SHROOM4: variants seen among roughly 807,000 people sequenced by gnomAD.
SHROOM4 encodes the protein shroom family member 4.
In SHROOM4, 17 loss-of-function variants were observed where a neutral mutation model predicts 80.3. The observed-to-expected ratio is 0.21, with a 90% CI of 0.14 to 0.32. The LOEUF is 0.32. SHROOM4 is among the 10% of genes least tolerant of loss of function. The pLI is 1.00. For missense variants in SHROOM4, 993 were observed against 1,140.3 expected (o/e 0.87, Z 1.86); for synonymous variants, 400 against 437.5 (o/e 0.91, Z 1.07).
intron 6 of SHROOM4, among the ~76,000 whole-genome samples, chrX:50,604,749 T>G (rs1362742990): frequency 3.6e-5 from 4 of 111,947 alleles, no homozygotes; most frequent in Non-Finnish European, 7.5e-5. Flanking sequence ...ATCCTTTCCT[T>G]ATCACCTCCA....
intron 2 of SHROOM4, among the ~76,000 whole-genome samples, chrX:50,649,087 A>G (rs1557258325): frequency 8.9e-6 from 1 of 112,249 alleles, no homozygotes; most frequent in Non-Finnish European, 1.9e-5. Flanking sequence ...CAGAGAATCA[A>G]CAGCGTTGGA....
chrX:50,770,257 G>A (rs782312022), intron 1 of SHROOM4, among the ~76,000 whole-genome samples: 1 of 111,505 alleles, frequency 9.0e-6, no homozygotes, highest in South Asian at 3.8e-4. Flanking sequence ...AATAGCCTCG[G>A]GGAGCCAGCA....
chrX:50,585,707 C>T (rs1157815649), downstream of SHROOM4, among the ~76,000 whole-genome samples: 3 of 111,292 alleles, frequency 2.7e-5, no homozygotes, highest in Non-Finnish European at 5.7e-5. Flanking sequence ...GATAAAAGAG[C>T]ACGAGGTCAC....
At chrX:50,612,997 A>G (rs1365100691) in intron 5 of SHROOM4, among the ~76,000 whole-genome samples, 1 of 112,270 alleles carries the variant, frequency 8.9e-6, no homozygotes. Context: ...CACTTTCCCC[A>G]CTAATATTTA....
At chrX:50,642,699 A>G (rs1476230987) in intron 2 of SHROOM4, among the ~76,000 whole-genome samples, 1 of 111,790 alleles carries the variant, frequency 8.9e-6, no homozygotes, top group African/African-American at 3.3e-5. Flanking sequence ...TCCTGGCCTC[A>G]AGCAATCTTC....
At chrX:50,768,496 G>A (rs1935326811) in intron 1 of SHROOM4, among the ~76,000 whole-genome samples, 2 of 111,896 alleles carry the variant, frequency 1.8e-5, no homozygotes, top group South Asian at 3.8e-4. Flanking sequence ...GGCTAAGGGC[G>A]TTAAGTCTGC....
Position 50,588,992 on chromosome X carries a change from C to CT in SHROOM4, c.*7702dup, listed in dbSNP as rs781832461. On this transcript the variant is annotated 3_prime_UTR_variant, in exon 9 of 9. Transcript: ENST00000376020. ...CAATGAGCCGAAGCTCTTATCCATT[C>CT]TACCACAATATTTGCCTAGAAATAT... is the stretch of plus-strand genomic sequence containing the variant. Among the ~76,000 whole-genome samples the CT allele has an allele frequency of 1.4e-4, 16 of 111,852 alleles. No homozygotes were observed. The highest frequency in any genetic ancestry group is 4.9e-4 in the African/African-American group (15 of 30,833).
intron 2 of SHROOM4, among the ~76,000 whole-genome samples, chrX:50,673,587 A>G (rs951182719): frequency 1.8e-5 from 2 of 111,497 alleles, no homozygotes; most frequent in African/African-American, 6.5e-5. Flanking sequence ...AAACACATCA[A>G]TGAAAAGACA....
intron 1 of SHROOM4, among the ~76,000 whole-genome samples, chrX:50,704,918 G>A (rs139383147): frequency 0.043 from 4,838 of 111,499 alleles, 282 homozygotes; most frequent in African/African-American, 0.15. Context: ...CCAGTGGGAG[G>A]TGGAGGAGGA....
intron 2 of SHROOM4, among the ~76,000 whole-genome samples, chrX:50,652,516 T>A (rs1169165472): frequency 1.8e-5 from 2 of 112,019 alleles, no homozygotes; most frequent in Non-Finnish European, 3.8e-5. Context: ...TTCCATTCTG[T>A]AGGTTGCCTG....
Position 50,692,005 on chromosome X carries a change from G to A in SHROOM4, c.269+3781C>T, listed in dbSNP as rs1056606432. 7.2e-5 allele frequency among the ~76,000 whole-genome samples: 8 copies of A among 111,343 alleles called. No individual in the cohort carries two copies. In the Admixed American group the frequency reaches 7.6e-4, roughly 11 times the overall value. On this transcript the variant is annotated intron_variant, in intron 2 of 8. Transcript: ENST00000376020. ...GGGCTGAGATGGGGAGGCTAAAAGG[G>A]TAGAAAATACAGGTTCCGGGAGCCA...
chrX:50,801,261 G>GGAGAGAGAGAGAGAGAGAGAGAGAGA lies in SHROOM4; in HGVS notation c.117+12615_117+12640dup, dbSNP rs781878531. 7.1e-4 allele frequency among the ~76,000 whole-genome samples: 58 copies of GGAGAGAGAGAGAGAGAGAGAGAGAGA among 81,517 alleles called. 1 individual carries two copies. The highest frequency in any genetic ancestry group is 2.0e-3 in the African/African-American group (43 of 21,127). The allele number at this position is 81,517 out of a possible 115,157, so 70.8% of individuals were successfully genotyped here. On this transcript the variant is annotated intron_variant, in intron 1 of 8. Transcript: ENST00000376020. ...GGAGGGAAGGAGAGAGAGAGAAAGA[G>GGAGAGAGAGAGAGAGAGAGAGAGAGA]GAGAGAGAGAGAGAGAGAGAGAGAG...
chrX:50,581,763 T>TGCCTTCAGCC, the SHROOM4 span, among the ~76,000 whole-genome samples: 1 of 112,160 alleles, frequency 8.9e-6, no homozygotes, highest in Non-Finnish European at 1.9e-5. Flanking sequence ...AGAATTCAGC[T>TGCCTTCAGCC]GCCTTCAGCC....
downstream of SHROOM4, among the ~76,000 whole-genome samples, chrX:50,583,013 C>G (rs1023285591): frequency 9.2e-6 from 1 of 108,227 alleles, no homozygotes; most frequent in African/African-American, 3.4e-5. Context: ...TATTTTTCAA[C>G]GGATTGACAG....
intron 1 of SHROOM4, among the ~76,000 whole-genome samples, chrX:50,766,305 C>T (rs1363548532): frequency 9.0e-6 from 1 of 110,915 alleles, no homozygotes; most frequent in Admixed American, 9.7e-5. Context: ...CCTGCCACCA[C>T]TACTTTTTCC....
chrX:50,703,007 G>GTT (rs1346505433), intron 1 of SHROOM4, among the ~76,000 whole-genome samples: 1 of 111,563 alleles, frequency 9.0e-6, no homozygotes, highest in Non-Finnish European at 1.9e-5. Flanking sequence ...CATACTCATA[G>GTT]TTTTAATCAA....
Position 50,814,187 on chromosome X carries a change from G to A in SHROOM4, c.-169C>T, listed in dbSNP as rs1339045724. On this transcript the variant is annotated 5_prime_UTR_variant, in exon 1 of 9. Transcript: ENST00000376020. ...TCAGGCAGCGAGCGAGCGCAAGGAG[G>A]AAATGACACGGAGCTGGAGAAAGGG... 4 of 457,049 alleles carry A rather than the reference G, an allele frequency of 8.8e-6. No homozygotes were observed. Among genetic ancestry groups the A allele is most frequent in the Non-Finnish European group, 1.6e-5 (4 of 256,476 alleles). The allele number at this position is 457,049 out of a possible 1,213,427, so 37.7% of individuals were successfully genotyped here.
chrX:50,610,352 T>TCTCTCTCTCTCTCACACACA (rs782591424), intron 5 of SHROOM4, among the ~76,000 whole-genome samples: 3 of 91,720 alleles, frequency 3.3e-5, no homozygotes, highest in African/African-American at 1.4e-4. Context: ...TCTCTCTCTC[T>TCTCTCTCTCTCTCACACACA]CACACACACA....
rs374960749 is a variant in SHROOM4 at position 50,594,461 on chromosome X, T to C, written c.*2234A>G. On this transcript the variant is annotated 3_prime_UTR_variant, in exon 9 of 9. Transcript: ENST00000376020. Reference sequence around the variant, plus strand: ...TTAAGAACAAAAATAACAGAGTTAATAGTATTTTTGGTGTCATAAACTTAA... The same window carrying C: ...TTAAGAACAAAAATAACAGAGTTAACAGTATTTTTGGTGTCATAAACTTAA... 3.8e-4 allele frequency: 43 copies of C among 112,251 alleles called. No homozygotes were observed. Among genetic ancestry groups the C allele is most frequent in the African/African-American group, 1.4e-3 (43 of 30,907 alleles). 9.3% of individuals were successfully genotyped at this position (112,251 alleles called of 1,213,427 possible). A position where few individuals can be genotyped will look rare whatever the true frequency, so the allele number is the denominator to read the frequency against.
Sources: gnomAD v4.1 joint callset for allele counts (sites outside exome capture counted in the v4.1 genomes callset) on GRCh38, gnomAD v4.1.1 for gene constraint, MANE v1.5 for transcripts, NCBI Gene and HGNC (gene_info 2026-07-23, HGNC 2026-07-21) for gene names.